Variants in LMBR1 observed in about 807,000 individuals in gnomAD.
The protein encoded by LMBR1 is limb region 1 protein homolog.
Under a neutral mutation model 73.9 loss-of-function variants are expected in LMBR1, and 52 were observed. The ratio of observed to expected loss-of-function variants is 0.70; its 90% CI spans 0.56 to 0.89. LMBR1 has a LOEUF of 0.89. Ranked by LOEUF, LMBR1 falls within the 40% of genes least tolerant of loss-of-function variation. The pLI is 0.00. For synonymous variants in LMBR1, 215 were observed against 209.4 expected (o/e 1.03, Z -0.23); for missense variants, 539 against 579.8 (o/e 0.93, Z 0.72).
intron 1 of LMBR1, among the ~76,000 whole-genome samples, chr7:156,856,882 G>A (rs371699649): frequency 6.6e-6 from 1 of 151,996 alleles, no homozygotes; most frequent in African/African-American, 2.4e-5. Context: ...CAGCAAGAGG[G>A]GAACTAGGAA....
intron 1 of LMBR1, among the ~76,000 whole-genome samples, chr7:156,891,211 A>AT (rs1357015003): frequency 8.6e-5 from 7 of 81,500 alleles, no homozygotes; most frequent in South Asian, 4.6e-4. Flanking sequence ...AAAAAAAAAA[A>AT]ATATATATAT....
chr7:156,679,158 T>G lies in LMBR1; in HGVS notation c.*4920A>C, dbSNP rs1310504398. The G allele has an allele frequency of 6.6e-6, 1 of 152,226 alleles. No homozygotes were observed. Among genetic ancestry groups the G allele is most frequent in the East Asian group, 1.9e-4 (1 of 5,196 alleles). 9.4% of individuals were successfully genotyped at this position (152,226 alleles called of 1,614,324 possible). ...GCAGCTTTCTCAGTGGCGTTCCTTG[T>G]CGGTAAAATGCAGATGTGTATTTTC... On this transcript the variant is annotated 3_prime_UTR_variant, in exon 17 of 17. Coordinates refer to ENST00000353442, the MANE Select transcript of LMBR1 (RefSeq NM_022458.4).
chr7:156,871,218 C>T (rs970230676), intron 1 of LMBR1, among the ~76,000 whole-genome samples: 2 of 152,236 alleles, frequency 1.3e-5, no homozygotes, highest in African/African-American at 4.8e-5. Flanking sequence ...AGAAACATAA[C>T]ACCCTACCAA....
intron 15 of LMBR1, among the ~76,000 whole-genome samples, chr7:156,719,503 A>G (rs1176596874): frequency 5.3e-5 from 8 of 152,194 alleles, no homozygotes; most frequent in African/African-American, 1.2e-4. Flanking sequence ...AGGAAGAATC[A>G]ATATCATGAA....
At chr7:156,855,666 CAAAAAAAAAAA>C (rs35231167) in intron 1 of LMBR1, among the ~76,000 whole-genome samples, 5 of 87,278 alleles carry the variant, frequency 5.7e-5, no homozygotes, top group African/African-American at 1.3e-4. Flanking sequence ...AACGTAAATA[CAAAAAAAAAAA>C]AAAAAAAAAA....
At chr7:156,797,848 T>C (rs917442174) in intron 4 of LMBR1, among the ~76,000 whole-genome samples, 1 of 152,212 alleles carries the variant, frequency 6.6e-6, no homozygotes, top group Non-Finnish European at 1.5e-5. Context: ...TTTATCTTTG[T>C]AGAAAGTAAA....
At chr7:156,824,680 A>G (rs975117253) in intron 4 of LMBR1, among the ~76,000 whole-genome samples, 2 of 151,990 alleles carry the variant, frequency 1.3e-5, no homozygotes, top group Admixed American at 6.6e-5. Context: ...TGTCTCTACA[A>G]AAAAAACACC....
intron 5 of LMBR1, among the ~76,000 whole-genome samples, chr7:156,776,928 CTTT>C (rs59567598): frequency 2.1e-5 from 3 of 142,492 alleles, no homozygotes; most frequent in Admixed American, 7.1e-5. Context: ...ATTTTCACAA[CTTT>C]TTTTTTTTTT....
chr7:156,883,099 A>G (rs1365453326), intron 1 of LMBR1, among the ~76,000 whole-genome samples: 1 of 151,770 alleles, frequency 6.6e-6, no homozygotes, highest in Non-Finnish European at 1.5e-5. Flanking sequence ...AATACAATCA[A>G]GTTTAAAAAA....
At chr7:156,878,902 A>C (rs549230729) in intron 1 of LMBR1, among the ~76,000 whole-genome samples, 59 of 152,154 alleles carry the variant, frequency 3.9e-4, no homozygotes, top group African/African-American at 1.4e-3. Context: ...ATAAACCCAA[A>C]TACAGCCAAC....
At chr7:156,675,596 C>A, downstream of LMBR1, 4 of 904,830 alleles carry the variant, frequency 4.4e-6, no homozygotes, top group Middle Eastern at 2.2e-4. Context: ...AAGACAGAGA[C>A]GAGGAAGGTT....
At chr7:156,676,245 G>GTA (rs113735598), downstream of LMBR1, 8,354 of 1,506,180 alleles carry the variant, frequency 5.5e-3, 345 homozygotes, top group African/African-American at 0.099. Context: ...ATATGTGTGT[G>GTA]TATATATATA....
intron 1 of LMBR1, among the ~76,000 whole-genome samples, chr7:156,856,266 A>G (rs1046398704): frequency 2.6e-5 from 4 of 152,106 alleles, no homozygotes; most frequent in Non-Finnish European, 5.9e-5. Context: ...ACAAAAGAAA[A>G]CTGAAGGAAT....
chr7:156,676,585 G>A, downstream of LMBR1: 2 of 1,614,226 alleles, frequency 1.2e-6, no homozygotes, highest in Non-Finnish European at 1.7e-6. Flanking sequence ...TTCTCCGTGG[G>A]AGACAGGCCT....
At chr7:156,672,716 T>C (rs1250911421) in intron 4 of LMBR1, among the ~76,000 whole-genome samples, 5 of 152,198 alleles carry the variant, frequency 3.3e-5, no homozygotes, top group African/African-American at 9.7e-5. Flanking sequence ...TAAATGCATA[T>C]AGATGTACAT....
intron 1 of LMBR1, among the ~76,000 whole-genome samples, chr7:156,867,656 T>C (rs1798653819): frequency 6.6e-6 from 1 of 152,216 alleles, no homozygotes; most frequent in Non-Finnish European, 1.5e-5. Context: ...CAGCTAGATA[T>C]AAAATAGTAC....
chr7:156,825,826 A>T (rs1323177889), intron 4 of LMBR1, among the ~76,000 whole-genome samples: 1 of 152,238 alleles, frequency 6.6e-6, no homozygotes, highest in African/African-American at 2.4e-5. Flanking sequence ...AGACAACAGG[A>T]AGCCGCGGTG....
intron 1 of LMBR1, among the ~76,000 whole-genome samples, chr7:156,876,323 A>G (rs1563601261): frequency 6.6e-6 from 1 of 152,182 alleles, no homozygotes; most frequent in Non-Finnish European, 1.5e-5. Flanking sequence ...TTACAAAACA[A>G]TTACCACTAG....
At position 156,725,443 on chromosome 7, in the gene LMBR1, T is replaced by C. The variant is rs748813721; in HGVS notation, c.1150A>G (p.Met384Val). 9 of 1,601,528 alleles carry C rather than the reference T, an allele frequency of 5.6e-6. No homozygotes were observed. The highest frequency in any genetic ancestry group is 1.3e-5 in the African/African-American group (1 of 74,222). The change falls in exon 14 of 17, where the codon ATG becomes GTG. Residue 384 changes from methionine to valine, a missense_variant. Physicochemically the swap from Met to Val is conservative, Grantham distance 21 (BLOSUM62 1). This residue lies in a region of LMBR1 where 454 missense variants were observed against 473.4 expected (regional missense o/e 0.96). Transcript: ENST00000353442. Reference sequence around the variant, plus strand: ...CTAAGATTCTACCTTACCTTTGTCATAGTTGTGTCATCTTTCTTGGGAGTA... The same window carrying C: ...CTAAGATTCTACCTTACCTTTGTCACAGTTGTGTCATCTTTCTTGGGAGTA... The part of the protein sequence containing the change: ...NFTPKKDDTT[M>V]TKIIGNCVSI...
Sources: allele counts gnomAD v4.1 joint callset (sites outside exome capture counted in the v4.1 genomes callset), GRCh38; gene constraint gnomAD v4.1.1; regional missense constraint gnomAD v4.1.1; transcripts MANE v1.5; gene names NCBI Gene and HGNC (gene_info 2026-07-23, HGNC 2026-07-21).